Variants in RASSF8 observed in about 807,000 individuals in gnomAD.
RASSF8 encodes the protein ras association domain-containing protein 8.
RASSF8 carries 22 observed loss-of-function variants against 48.5 expected under a neutral mutation model. That is an observed-to-expected ratio of 0.45 (90% confidence interval 0.32 to 0.65). RASSF8 has a LOEUF of 0.65. Among genes scored for constraint, RASSF8 ranks in the 30% least tolerant of loss-of-function variants. The pLI, the probability that RASSF8 is intolerant of heterozygous loss-of-function variation, is 0.03. For synonymous variants in RASSF8, 127 were observed against 171.5 expected, an observed-to-expected ratio of 0.74 and a Z score of 2.03; for missense variants, 418 against 489.2, an observed-to-expected ratio of 0.85 and a Z score of 1.37.
chr12:26,057,126 G>GTGTGTGTA (rs1943624393), intron 3 of RASSF8, among the ~76,000 whole-genome samples: 2 of 151,408 alleles, frequency 1.3e-5, no homozygotes. Context: ...GTGTGTGTGT[G>GTGTGTGTA]AAGTTCCATT....
chr12:26,044,369 A>T (rs1035165696), intron 2 of RASSF8, among the ~76,000 whole-genome samples: 11 of 152,336 alleles, frequency 7.2e-5, no homozygotes, highest in African/African-American at 2.6e-4. Flanking sequence ...AGATATATTA[A>T]TGAAATGCAA....
At chr12:26,043,625 A>G (rs1363198625) in intron 2 of RASSF8, among the ~76,000 whole-genome samples, 7 of 152,258 alleles carry the variant, frequency 4.6e-5, no homozygotes, top group Admixed American at 3.9e-4. Flanking sequence ...CCTAAGTACA[A>G]GTGCTCAAAG....
At position 26,064,811 on chromosome 12, in the gene RASSF8, A is replaced by G; in HGVS notation, c.417A>G (p.Leu139=). 1 of 1,614,248 alleles carries G rather than the reference A, an allele frequency of 6.2e-7. No individual in the cohort carries two copies. Among genetic ancestry groups the G allele is most frequent in the Non-Finnish European group, 8.5e-7 (1 of 1,180,040 alleles). Residue 139 remains leucine, a synonymous_variant, in exon 4 of 6, where the codon TTA becomes TTG. Transcript: ENST00000689635. ...CATTTACAGGAGGTGCCAAAGGATT[A>G]ATGGACATTTTTGGAAAAGGTAAAG... ...SLTFTGGAKG[L]MDIFGKGKET...
chr12:26,045,391 T>C (rs554527383), intron 2 of RASSF8, among the ~76,000 whole-genome samples: 5 of 152,322 alleles, frequency 3.3e-5, no homozygotes, highest in South Asian at 2.1e-4. Context: ...TTTTGTAGTC[T>C]AGCAGCCACT....
At chr12:26,038,655 A>ACACACT (rs1943202482) in intron 2 of RASSF8, among the ~76,000 whole-genome samples, 2 of 144,670 alleles carry the variant, frequency 1.4e-5, no homozygotes, top group Admixed American at 7.0e-5. Context: ...ACACACACAC[A>ACACACT]CTTTTAAAAG....
chr12:26,077,119 T>G (rs1340146774), downstream of RASSF8, among the ~76,000 whole-genome samples: 1 of 152,252 alleles, frequency 6.6e-6, no homozygotes, highest in Non-Finnish European at 1.5e-5. Flanking sequence ...GTTGCTTTTT[T>G]CTTGTAAATT....
chr12:25,990,918 C>T (rs1942000066), intron 1 of RASSF8, among the ~76,000 whole-genome samples: 1 of 152,188 alleles, frequency 6.6e-6, no homozygotes, highest in South Asian at 2.1e-4. Flanking sequence ...AATACACACA[C>T]ACACACACAG....
At chr12:26,030,816 G>A (rs1943015120) in intron 2 of RASSF8, among the ~76,000 whole-genome samples, 1 of 151,990 alleles carries the variant, frequency 6.6e-6, no homozygotes, top group African/African-American at 2.4e-5. Context: ...TTTGGGGCTA[G>A]GTAAATAAAT....
intron 2 of RASSF8, among the ~76,000 whole-genome samples, chr12:26,012,779 C>A (rs1384706963): frequency 6.6e-6 from 1 of 151,166 alleles, no homozygotes; most frequent in African/African-American, 2.4e-5. Context: ...CTCCTGGGCT[C>A]CATCAGTCCT....
intron 1 of RASSF8, among the ~76,000 whole-genome samples, chr12:25,994,288 A>C (rs1166265102): frequency 6.6e-6 from 1 of 152,146 alleles, no homozygotes; most frequent in Non-Finnish European, 1.5e-5. Context: ...TAAAAAAAAA[A>C]AAAATGGTTG....
chr12:25,963,941 A>T (rs1214198014), intron 1 of RASSF8, among the ~76,000 whole-genome samples: 1 of 152,216 alleles, frequency 6.6e-6, no homozygotes, highest in Non-Finnish European at 1.5e-5. Context: ...TCAGGAAGGC[A>T]TGAGAAGAGA....
intron 3 of RASSF8, among the ~76,000 whole-genome samples, chr12:26,062,188 C>T (rs963190492): frequency 8.5e-5 from 13 of 152,250 alleles, no homozygotes; most frequent in African/African-American, 2.9e-4. Flanking sequence ...TTCCTAAAAG[C>T]AGTTGATAGG....
intron 2 of RASSF8, among the ~76,000 whole-genome samples, chr12:26,014,899 C>T (rs1401769053): frequency 6.6e-6 from 1 of 151,602 alleles, no homozygotes; most frequent in African/African-American, 2.4e-5. Context: ...TGGAAAACAG[C>T]ATTAAAAAAA....
chr12:26,063,390 G>T (rs923479993), intron 3 of RASSF8, among the ~76,000 whole-genome samples: 1 of 151,594 alleles, frequency 6.6e-6, no homozygotes, highest in Non-Finnish European at 1.5e-5. Context: ...TTGTATTCTG[G>T]TGTTTGTTTG....
chr12:26,067,754 C>T, intron 5 of RASSF8, 41 bp downstream of exon 5: 1 of 1,607,830 alleles, frequency 6.2e-7, no homozygotes, highest in Non-Finnish European at 8.5e-7. Flanking sequence ...CCTTTATTCT[C>T]ACTGCTTAAC....
At chr12:26,032,067 T>A (rs1298891327) in intron 2 of RASSF8, among the ~76,000 whole-genome samples, 2 of 152,198 alleles carry the variant, frequency 1.3e-5, no homozygotes, top group African/African-American at 4.8e-5. Context: ...GGTCTTGAGA[T>A]GCTTGGAAAT....
chr12:25,973,538 C>T (rs1941532557), intron 1 of RASSF8, among the ~76,000 whole-genome samples: 1 of 152,316 alleles, frequency 6.6e-6, no homozygotes, highest in South Asian at 2.1e-4. Flanking sequence ...GTTTGTGAGA[C>T]AGACTGCCAG....
intron 2 of RASSF8, among the ~76,000 whole-genome samples, chr12:26,000,638 C>T (rs1390599070): frequency 6.6e-6 from 1 of 152,128 alleles, no homozygotes; most frequent in Non-Finnish European, 1.5e-5. Flanking sequence ...GATGGTATAG[C>T]CTCCTACACA....
Position 26,072,166 on chromosome 12 carries a change from T to A in RASSF8, c.*3348T>A. 1.0e-6 allele frequency: 1 copy of A among 980,202 alleles called. No homozygotes were observed. Among genetic ancestry groups the A allele is most frequent in the Non-Finnish European group, 1.2e-6 (1 of 825,154 alleles). 60.7% of individuals were successfully genotyped at this position (980,202 alleles called of 1,614,324 possible). A position where few individuals can be genotyped will look rare whatever the true frequency, so the allele number is the denominator to read the frequency against. ...TAACGATGCTGTGTTCACATCCCTC[T>A]CCTACCTAAAGTTGTCTTTATTGGT... On this transcript the variant is annotated 3_prime_UTR_variant, in exon 6 of 6. Transcript: ENST00000689635.
Sources: gnomAD v4.1 joint callset for allele counts (sites outside exome capture counted in the v4.1 genomes callset) on GRCh38, gnomAD v4.1.1 for gene constraint, MANE v1.5 for transcripts, NCBI Gene and HGNC (gene_info 2026-07-23, HGNC 2026-07-21) for gene names.